Variants in LYRM4 observed in about 807,000 individuals in gnomAD.
The protein encoded by LYRM4 is LYR motif containing 4, also known as LYR motif-containing protein 4.
Under a neutral mutation model 11.7 loss-of-function variants are expected in LYRM4, and 9 were observed. The ratio of observed to expected loss-of-function variants is 0.77; its 90% confidence interval spans 0.46 to 1.34. LYRM4 has a LOEUF of 1.34. Among genes scored for constraint, LYRM4 ranks in the 40% most tolerant of loss-of-function variants. The probability of loss-of-function intolerance (pLI) is 0.00; values close to 1 mark genes in which losing one functional copy is unlikely to be tolerated. For synonymous variants in LYRM4, 42 were observed against 40.4 expected, an observed-to-expected ratio of 1.04 and a Z score of -0.15; for missense variants, 133 against 112.5, an observed-to-expected ratio of 1.18 and a Z score of -0.82.
chr6:5,062,456 TTTC>T, the LYRM4 span, among the ~76,000 whole-genome samples: 1 of 151,868 alleles, frequency 6.6e-6, no homozygotes, highest in Non-Finnish European at 1.5e-5. Context: ...CTGGCCTTAT[TTTC>T]ATTTCTTAAT....
intron 2 of LYRM4, chr6:5,113,189 C>A (rs1483908087): frequency 3.0e-6 from 1 of 333,334 alleles, no homozygotes; most frequent in Non-Finnish European, 6.1e-6. Flanking sequence ...AATTCCAGCA[C>A]TTCGGGAGGT....
At chr6:5,136,995 G>T in intron 2 of LYRM4, 1 of 294,370 alleles carries the variant, frequency 3.4e-6, no homozygotes, top group Non-Finnish European at 5.0e-6. Flanking sequence ...CCTTTCAAAT[G>T]TCCCATCCTC....
chr6:5,123,828 G>A (rs1378845337), intron 2 of LYRM4, among the ~76,000 whole-genome samples: 1 of 152,228 alleles, frequency 6.6e-6, no homozygotes, highest in Non-Finnish European at 1.5e-5. Context: ...GGTCTGTGGT[G>A]ACAGGCCACC....
chr6:5,181,671 A>C (rs979297907), intron 2 of LYRM4, among the ~76,000 whole-genome samples: 1 of 152,012 alleles, frequency 6.6e-6, no homozygotes, highest in African/African-American at 2.4e-5. Context: ...GCCATGCTCA[A>C]CTGGCCTCCC....
chr6:5,090,708 C>T, the LYRM4 span, among the ~76,000 whole-genome samples: 1 of 152,232 alleles, frequency 6.6e-6, no homozygotes, highest in Admixed American at 6.5e-5. This position sits in a 1 kb window ranked among gnomAD's most constrained non-coding sequence, Gnocchi z 4.8. Context: ...AATGCTGTGG[C>T]TCTTGAGCCT....
chr6:5,190,770 G>C (rs1171458222), intron 2 of LYRM4, among the ~76,000 whole-genome samples: 1 of 152,166 alleles, frequency 6.6e-6, no homozygotes, highest in Non-Finnish European at 1.5e-5. Context: ...GCTGGGGTCA[G>C]AGAAAGCCTG....
intron 1 of LYRM4, chr6:5,218,386 A>C: frequency 3.0e-6 from 3 of 985,138 alleles, no homozygotes; most frequent in Non-Finnish European, 3.6e-6. Flanking sequence ...GGGAGCTCAT[A>C]TAACTTATTG....
chr6:5,102,092 CT>C (rs777270198), downstream of LYRM4, among the ~76,000 whole-genome samples: 1 of 150,192 alleles, frequency 6.7e-6, no homozygotes, highest in South Asian at 2.1e-4. Flanking sequence ...TGCACCTGGC[CT>C]GATTTTTTTT....
chr6:5,167,145 T>C (rs574930832), intron 2 of LYRM4, among the ~76,000 whole-genome samples: 65 of 152,226 alleles, frequency 4.3e-4, no homozygotes, highest in African/African-American at 1.6e-3. Flanking sequence ...AGATACCTTT[T>C]TCCCGTAAGT....
At chr6:5,080,924 C>T in the LYRM4 span, among the ~76,000 whole-genome samples, 4 of 152,256 alleles carry the variant, frequency 2.6e-5, no homozygotes, top group South Asian at 8.3e-4. Flanking sequence ...AAGAGACAAG[C>T]TATCCCTGAG....
chr6:5,109,073 C>G lies in LYRM4; in HGVS notation c.*350G>C. 9.4e-7 allele frequency: 1 copy of G among 1,062,300 alleles called. No homozygotes were observed. Among genetic ancestry groups the G allele is most frequent in the Admixed American group, 4.7e-5 (1 of 21,156 alleles). 65.8% of individuals were successfully genotyped at this position (1,062,300 alleles called of 1,614,324 possible). The stretch of plus-strand genomic sequence containing the variant: ...AGGGGTTTATCTGGGGTCAAAGGCT[C>G]AGGGAGATCATTCTTTTTATTGCCA... On this transcript the variant is annotated 3_prime_UTR_variant, in exon 3 of 3. Transcript: ENST00000330636.
At chr6:5,172,619 C>T (rs957847869) in intron 2 of LYRM4, among the ~76,000 whole-genome samples, 2 of 152,250 alleles carry the variant, frequency 1.3e-5, no homozygotes, top group Non-Finnish European at 2.9e-5. Flanking sequence ...AATGACTGCA[C>T]CTGGTCCAAA....
chr6:5,249,650 G>T (rs1764344281), intron 1 of LYRM4, among the ~76,000 whole-genome samples: 1 of 152,176 alleles, frequency 6.6e-6, no homozygotes, highest in South Asian at 2.1e-4. Context: ...TCCTATCACA[G>T]ATCCCGACAA....
chr6:5,121,510 C>T (rs1404081033), intron 2 of LYRM4, among the ~76,000 whole-genome samples: 2 of 152,264 alleles, frequency 1.3e-5, no homozygotes, highest in South Asian at 2.1e-4. Flanking sequence ...AGCCAGGAGT[C>T]CCCTGGAGCT....
intron 2 of LYRM4, among the ~76,000 whole-genome samples, chr6:5,141,149 G>A (rs1757385770): frequency 6.6e-6 from 1 of 152,226 alleles, no homozygotes; most frequent in Non-Finnish European, 1.5e-5. Context: ...TGGCACTGTT[G>A]AGGGTACTGG....
the LYRM4 span, among the ~76,000 whole-genome samples, chr6:5,094,270 C>A: frequency 4.6e-5 from 7 of 152,078 alleles, no homozygotes; most frequent in African/African-American, 1.7e-4. Context: ...TCATTTGAGG[C>A]CAGGAGTTCA....
intron 1 of LYRM4, among the ~76,000 whole-genome samples, chr6:5,248,477 C>A (rs1365135985): frequency 6.6e-6 from 1 of 152,266 alleles, no homozygotes; most frequent in African/African-American, 2.4e-5. Context: ...CTTAGCACAG[C>A]ATACAAAGCT....
intron 2 of LYRM4, among the ~76,000 whole-genome samples, chr6:5,123,036 T>C (rs1251339141): frequency 2.6e-5 from 4 of 152,136 alleles, no homozygotes; most frequent in Non-Finnish European, 5.9e-5. Flanking sequence ...GCTAACGATA[T>C]TGGGGTCATC....
intron 2 of LYRM4, among the ~76,000 whole-genome samples, chr6:5,155,164 C>T (rs1472486073): frequency 1.3e-5 from 2 of 152,156 alleles, no homozygotes; most frequent in Admixed American, 6.5e-5. Flanking sequence ...TCACTGCAAA[C>T]TCTGTCTCCC....
Sources: gnomAD v4.1 joint callset for allele counts (sites outside exome capture counted in the v4.1 genomes callset) on GRCh38, gnomAD v4.1.1 for gene constraint, Gnocchi (gnomAD v3.1) non-coding constraint, MANE v1.5 for transcripts, NCBI Gene and HGNC (gene_info 2026-07-23, HGNC 2026-07-21) for gene names.